Variants in GNRH2 observed in about 807,000 individuals in gnomAD.
GNRH2 encodes progonadoliberin-2.
In GNRH2, 15 loss-of-function variants were observed where a neutral mutation model predicts 12.1. That is an observed-to-expected ratio of 1.24 (90% CI 0.83 to 1.90). GNRH2 has a LOEUF of 1.90. Among genes scored for constraint, GNRH2 ranks in the 40% most tolerant of loss-of-function variants. The pLI is 0.00. For missense variants in GNRH2, 143 were observed against 141.4 expected (o/e 1.01, Z -0.06); for synonymous variants, 60 against 62.0 (o/e 0.97, Z 0.15).
rs1341781381 is a variant in GNRH2, at chr20:3,044,403, A to G, written c.-7-5A>G. On this transcript the variant is annotated splice_region_variant and splice_polypyrimidine_tract_variant and intron_variant, in intron 1 of 3. Coordinates refer to ENST00000359100, the MANE Select transcript of GNRH2 (RefSeq NM_178331.2). ...TCTCCTTGAATGCTGTACCCTGTCC[A>G]TTAGAGCAGCCATGGCCAGCTCCAG... The G allele has an allele frequency of 6.2e-7, 1 of 1,612,056 alleles. No individual in the cohort carries two copies. The highest frequency in any genetic ancestry group is 1.1e-5 in the South Asian group (1 of 91,056).
Position 3,045,715 on chromosome 20 carries a change from GCCATCCT to G in GNRH2, c.325_331del (p.Ser109IlefsTer?), listed in dbSNP as rs1255917147. On this transcript the variant is annotated frameshift_variant, in exon 4 of 4. Coordinates refer to ENST00000359100, the MANE Select transcript of GNRH2 (RefSeq NM_178331.2). LOFTEE classifies it high-confidence loss of function. The stretch of plus-strand genomic sequence containing the variant: ...CAGCCCGAGAGCCCCGCCCCGCCCC[GCCATCCT>G]CCAATAAAGTGTGAGGTTCTCCGAA... 22 of 1,567,898 alleles carry G rather than the reference GCCATCCT, an allele frequency of 1.4e-5. No individual in the cohort carries two copies. Among genetic ancestry groups the G allele is most frequent in the Non-Finnish European group, 8.8e-7 (1 of 1,140,260 alleles).
At chr20:3,045,225 C>A (rs2065976291) in intron 3 of GNRH2, among the ~76,000 whole-genome samples, 1 of 121,196 alleles carries the variant, frequency 8.3e-6, no homozygotes, top group Non-Finnish European at 1.8e-5. Flanking sequence ...CTCACTCAAA[C>A]AGACAACAGG....
chr20:3,045,597 G>GGACGAGAGGGGAGA, intron 3 of GNRH2, 89 bp from the exon 4 acceptor site: 1 of 1,120,036 alleles, frequency 8.9e-7, no homozygotes, highest in African/African-American at 1.5e-5. Flanking sequence ...GGACTGGGGG[G>GGACGAGAGGGGAGA]GACGAGAGGG....
chr20:3,043,795 T>C (rs1394212237), intron 1 of GNRH2, 130 bp downstream of exon 1: 3 of 153,022 alleles, frequency 2.0e-5, no homozygotes, highest in African/African-American at 7.2e-5. Context: ...AGTCCCCTTT[T>C]CCTCTCCTCT....
chr20:3,044,626 C>T, intron 2 of GNRH2, 58 bp downstream of exon 2: 1 of 1,608,016 alleles, frequency 6.2e-7, no homozygotes, highest in Non-Finnish European at 8.5e-7. Flanking sequence ...GCTCCCCCAC[C>T]CTCCTGGAGC....
At position 3,045,690 on chromosome 20, in the gene GNRH2, CAGCCCGAG is replaced by C; in HGVS notation, c.302_309del (p.Arg101ProfsTer9). 6.2e-7 allele frequency: 1 copy of C among 1,610,118 alleles called. No individual in the cohort carries two copies. The highest frequency in any genetic ancestry group is 2.2e-5 in the East Asian group (1 of 44,522). On this transcript the variant is annotated frameshift_variant, in exon 4 of 4. Coordinates refer to ENST00000359100, the MANE Select transcript of GNRH2 (RefSeq NM_178331.2). LOFTEE classifies it low-confidence loss of function (END_TRUNC). ...CCGCCACCTCTCCCTCCGCAGACCG[CAGCCCGAG>C]AGCCCCGCCCCGCCCCGCCATCCTC...
At position 3,044,577 on chromosome 20, in the gene GNRH2, C is replaced by T. The variant is rs1279649289; in HGVS notation, c.154+9C>T. The T allele has an allele frequency of 1.9e-6, 3 of 1,613,106 alleles. No individual in the cohort carries two copies. Among genetic ancestry groups the T allele is most frequent in the Middle Eastern group, 1.7e-4 (1 of 6,052 alleles). On this transcript the variant is annotated intron_variant, in intron 2 of 3. Transcript: ENST00000359100. ...TGCCCTTAGGCCCCCAGGTGGGTGT[C>T]TCCCAGCCTCATGGGGAGGAAGAAA...
Position 3,044,613 on chromosome 20 carries a change from G to C in GNRH2, c.154+45G>C, listed in dbSNP as rs958613721. 4.3e-6 allele frequency: 7 copies of C among 1,610,128 alleles called. No individual in the cohort carries two copies. The East Asian group carries it at 1.3e-4, about 31-fold the overall frequency. On this transcript the variant is annotated intron_variant, in intron 2 of 3. Coordinates refer to ENST00000359100, the MANE Select transcript of GNRH2 (RefSeq NM_178331.2). ...ATGGGGAGGAAGAAAGTGATGGCCG[G>C]GGGCTCCCCCACCCTCCTGGAGCCT... is the stretch of plus-strand genomic sequence containing the variant.
rs148954939 is a variant in GNRH2 at position 3,044,309 on chromosome 20, G to T, written c.-7-99G>T. 1.4e-3 allele frequency: 1,221 copies of T among 903,388 alleles called. 2 individuals are homozygous for T. The highest frequency in any genetic ancestry group is 1.9e-3 in the Non-Finnish European group (1,060 of 554,616). 56.0% of individuals were successfully genotyped at this position (903,388 alleles called of 1,614,324 possible). A position where few individuals can be genotyped will look rare whatever the true frequency, so the allele number is the denominator to read the frequency against. On this transcript the variant is annotated intron_variant, in intron 1 of 3. Transcript: ENST00000359100. ...GGGAAGGGCATAAGGAGATACCAAA[G>T]CTGCCCCTGAGATGCCAGTTTTCCA...
intron 3 of GNRH2, 27 bp from the exon 4 acceptor site, chr20:3,045,659 A>T (rs781073713): frequency 1.9e-6 from 3 of 1,598,958 alleles, no homozygotes; most frequent in Non-Finnish European, 2.6e-6. Flanking sequence ...GTGTCCTGAG[A>T]CATGACCGCC....
chr20:3,045,700 G>GCCCCCCC lies in GNRH2; in HGVS notation c.310_311insCCCCCCC (p.Arg104ProfsTer11). The GCCCCCCC allele has an allele frequency of 6.5e-6, 10 of 1,541,778 alleles. No individual in the cohort carries two copies. The highest frequency in any genetic ancestry group is 1.1e-5 in the South Asian group (1 of 87,872). ...TCCCTCCGCAGACCGCAGCCCGAGA[G>GCCCCCCC]CCCCGCCCCGCCCCGCCATCCTCCA... On this transcript the variant is annotated frameshift_variant, in exon 4 of 4. Transcript: ENST00000359100. LOFTEE classifies it low-confidence loss of function (END_TRUNC).
Position 3,044,725 on chromosome 20 carries a change from T to C in GNRH2, c.180T>C (p.His60=). ...CAGGCAGCCCAGTCCAGACTGCCCA[T>C]GGCCTCCCAAGTGATGCCCTGGCTC... The part of the protein sequence containing the change: ...PPAGSPVQTA[H]GLPSDALAPL... Residue 60 remains histidine, a synonymous_variant, in exon 3 of 4, where the codon CAT becomes CAC. Transcript: ENST00000359100. 1 of 1,611,838 alleles carries C rather than the reference T, an allele frequency of 6.2e-7. No individual in the cohort carries two copies. Among genetic ancestry groups the C allele is most frequent in the Non-Finnish European group, 8.5e-7 (1 of 1,179,046 alleles).
chr20:3,045,617 A>G, intron 3 of GNRH2, 69 bp from the exon 4 acceptor site: 1 of 1,341,384 alleles, frequency 7.5e-7, no homozygotes, highest in African/African-American at 1.4e-5. Context: ...GGAGAGAACC[A>G]GGAAGATGGC....
At chr20:3,045,591 T>C (rs1272952999) in intron 3 of GNRH2, 95 bp from the exon 4 acceptor site, 1 of 1,003,942 alleles carries the variant, frequency 1.0e-6, no homozygotes, top group Non-Finnish European at 1.5e-6. Flanking sequence ...ACATGGGGAC[T>C]GGGGGGGACG....
chr20:3,045,656 G>A, intron 3 of GNRH2, 30 bp from the exon 4 acceptor site: 1 of 1,597,036 alleles, frequency 6.3e-7, no homozygotes, highest in Non-Finnish European at 8.6e-7. Context: ...CCAGTGTCCT[G>A]AGACATGACC....
Position 3,044,333 on chromosome 20 carries a change from C to CA in GNRH2, c.-7-72dup, listed in dbSNP as rs1179508402. 8.7e-6 allele frequency: 11 copies of CA among 1,268,288 alleles called. No individual in the cohort carries two copies. The Admixed American group carries it at 1.8e-4, about 20-fold the overall frequency. The allele number at this position is 1,268,288 out of a possible 1,614,324, so 78.6% of individuals were successfully genotyped here. On this transcript the variant is annotated intron_variant, in intron 1 of 3. Coordinates refer to ENST00000359100, the MANE Select transcript of GNRH2 (RefSeq NM_178331.2). ...AGCTGCCCCTGAGATGCCAGTTTTC[C>CA]AAAGTGGCCCTGGAGGAAGTAGGGG...
chr20:3,044,898 G>C, intron 3 of GNRH2, 62 bp downstream of exon 3: 1 of 1,421,972 alleles, frequency 7.0e-7, no homozygotes, highest in Non-Finnish European at 9.7e-7. Context: ...GGCCATTGTG[G>C]CTTAGGGTTG....
In GNRH2 at chr20:3,044,410, C is replaced by T. The variant is rs2065963719; in HGVS notation, c.-5C>T. ...GAATGCTGTACCCTGTCCATTAGAG[C>T]AGCCATGGCCAGCTCCAGGCGAGGC... On this transcript the variant is annotated splice_region_variant and 5_prime_UTR_variant, in exon 2 of 4. Transcript: ENST00000359100. 5 of 1,612,330 alleles carry T rather than the reference C, an allele frequency of 3.1e-6. No individual in the cohort carries two copies. The African/African-American group carries it at 5.3e-5, about 17-fold the overall frequency.
intron 2 of GNRH2, 50 bp downstream of exon 2, chr20:3,044,618 TC>T: frequency 6.2e-7 from 1 of 1,608,940 alleles, no homozygotes. Context: ...GGCCGGGGGC[TC>T]CCCCACCCTC....
Sources: allele counts gnomAD v4.1 joint callset (sites outside exome capture counted in the v4.1 genomes callset), GRCh38; gene constraint gnomAD v4.1.1; transcripts MANE v1.5; gene names NCBI Gene and HGNC (gene_info 2026-07-23, HGNC 2026-07-21).